Variants in SPMIP2 observed in about 807,000 individuals in gnomAD.
The protein encoded by SPMIP2 is protein SPMIP2.
chr4:158,922,029 AG>A, the SPMIP2 span, among the ~76,000 whole-genome samples: 1 of 151,804 alleles, frequency 6.6e-6, no homozygotes, highest in African/African-American at 2.4e-5. Flanking sequence ...CTGGGACTAC[AG>A]GCGCCTGCCA....
chr4:159,024,712 T>C, the SPMIP2 span, among the ~76,000 whole-genome samples: 1 of 152,230 alleles, frequency 6.6e-6, no homozygotes, highest in African/African-American at 2.4e-5. Flanking sequence ...AATTCCAAAC[T>C]TGGCCATTCT....
chr4:158,989,022 C>A, the SPMIP2 span, among the ~76,000 whole-genome samples: 2 of 152,170 alleles, frequency 1.3e-5, no homozygotes, highest in Non-Finnish European at 2.9e-5. Context: ...AGCTGATAAG[C>A]AACTTTGGCA....
chr4:158,949,672 T>A, the SPMIP2 span, among the ~76,000 whole-genome samples: 140 of 152,318 alleles, frequency 9.2e-4, no homozygotes, highest in Non-Finnish European at 1.7e-3. Flanking sequence ...ACTTTGTACA[T>A]CTCCTTTATT....
At chr4:159,002,346 T>C in the SPMIP2 span, among the ~76,000 whole-genome samples, 6 of 131,946 alleles carry the variant, frequency 4.5e-5, no homozygotes, top group African/African-American at 1.3e-4. Flanking sequence ...GCAGAAGTTT[T>C]TAATTTTGAT....
At chr4:158,970,357 A>G in the SPMIP2 span, among the ~76,000 whole-genome samples, 7 of 152,086 alleles carry the variant, frequency 4.6e-5, no homozygotes, top group Admixed American at 1.3e-4. Flanking sequence ...CCTGGGCAAC[A>G]TAGACCTTGT....
the SPMIP2 span, among the ~76,000 whole-genome samples, chr4:158,974,688 T>C: frequency 0.35 from 53,816 of 152,104 alleles, 9,631 homozygotes; most frequent in African/African-American, 0.39. Context: ...TGTGCCACAA[T>C]TTGTTTATTC....
the SPMIP2 span, among the ~76,000 whole-genome samples, chr4:159,010,293 A>G: frequency 2.0e-5 from 3 of 152,318 alleles, no homozygotes; most frequent in African/African-American, 4.8e-5. Flanking sequence ...CTTGCACTCT[A>G]TGTGGGCTCC....
chr4:158,914,365 C>T, the SPMIP2 span, among the ~76,000 whole-genome samples: 50 of 152,328 alleles, frequency 3.3e-4, no homozygotes, highest in Middle Eastern at 3.4e-3. Flanking sequence ...GACATAATGG[C>T]TTGCTGATGA....
chr4:158,910,749 G>C, the SPMIP2 span, among the ~76,000 whole-genome samples: 1 of 152,202 alleles, frequency 6.6e-6, no homozygotes, highest in Non-Finnish European at 1.5e-5. Context: ...CTTCAGGCTG[G>C]AGCTGCAACA....
chr4:159,061,147 A>G, the SPMIP2 span, among the ~76,000 whole-genome samples: 1 of 150,914 alleles, frequency 6.6e-6, no homozygotes, highest in African/African-American at 2.4e-5. Flanking sequence ...AATACTGACT[A>G]TGGTAAACAA....
chr4:158,949,756 C>G, the SPMIP2 span, among the ~76,000 whole-genome samples: 1 of 152,170 alleles, frequency 6.6e-6, no homozygotes, highest in African/African-American at 2.4e-5. Context: ...TTCAACTCAG[C>G]CATGCTGCAT....
At chr4:159,008,350 A>C in the SPMIP2 span, among the ~76,000 whole-genome samples, 1 of 152,226 alleles carries the variant, frequency 6.6e-6, no homozygotes, top group Admixed American at 6.5e-5. Flanking sequence ...AGGCGGGTGG[A>C]TCACCTGAGG....
chr4:158,929,307 C>CGT, the SPMIP2 span, among the ~76,000 whole-genome samples: 2 of 152,274 alleles, frequency 1.3e-5, no homozygotes, highest in Non-Finnish European at 2.9e-5. Flanking sequence ...CATAAGCCAA[C>CGT]ATACCCAGCA....
the SPMIP2 span, among the ~76,000 whole-genome samples, chr4:158,959,763 G>A: frequency 1.3e-5 from 2 of 152,106 alleles, no homozygotes; most frequent in African/African-American, 4.8e-5. Flanking sequence ...CTTGTTTCCT[G>A]TAATTTAACA....
chr4:159,019,765 G>A, the SPMIP2 span, among the ~76,000 whole-genome samples: 1 of 152,164 alleles, frequency 6.6e-6, no homozygotes, highest in Non-Finnish European at 1.5e-5. Flanking sequence ...TGGACAACAG[G>A]AGAAACTAAA....
the SPMIP2 span, among the ~76,000 whole-genome samples, chr4:158,985,884 C>G: frequency 3.3e-5 from 5 of 151,706 alleles, no homozygotes; most frequent in Admixed American, 2.0e-4. Flanking sequence ...TCTAGAAAAC[C>G]CCATTGTCTC....
the SPMIP2 span, among the ~76,000 whole-genome samples, chr4:158,942,091 GC>G: frequency 6.6e-6 from 1 of 152,180 alleles, no homozygotes; most frequent in Non-Finnish European, 1.5e-5. Flanking sequence ...TAGCCTTTAG[GC>G]TGCTAGACAG....
the SPMIP2 span, among the ~76,000 whole-genome samples, chr4:158,978,972 C>T: frequency 3.3e-5 from 5 of 152,062 alleles, no homozygotes; most frequent in South Asian, 4.1e-4. Flanking sequence ...TGCCCACAGC[C>T]GCCCCTTCCC....
the SPMIP2 span, among the ~76,000 whole-genome samples, chr4:158,973,855 A>C: frequency 4.6e-5 from 7 of 151,994 alleles, no homozygotes; most frequent in Non-Finnish European, 7.4e-5. Flanking sequence ...GCATGGTGGC[A>C]CACACCTGTG....
Sources: allele counts gnomAD v4.1 joint callset (sites outside exome capture counted in the v4.1 genomes callset), GRCh38; gene constraint gnomAD v4.1.1; transcripts MANE v1.5; gene names NCBI Gene and HGNC (gene_info 2026-07-23, HGNC 2026-07-21).